The following NPEPPS variants were observed in gnomAD, a reference collection of about 807,000 sequenced individuals.
NPEPPS encodes puromycin-sensitive aminopeptidase.
NPEPPS carries 14 observed loss-of-function variants against 115.5 expected under a neutral mutation model. The observed-to-expected ratio is 0.12, with a 90% confidence interval of 0.08 to 0.19. The LOEUF (loss-of-function observed/expected upper bound fraction) is 0.19. NPEPPS is among the 10% of genes least tolerant of loss of function. The pLI, the probability that NPEPPS is intolerant of heterozygous loss-of-function variation, is 1.00. For synonymous variants in NPEPPS, 285 were observed against 390.6 expected (o/e 0.73, Z 3.19); for missense variants, 523 against 1,110.8 (o/e 0.47, Z 7.52).
chr17:47,610,593 AG>A (rs1366719713), intron 17 of NPEPPS, among the ~76,000 whole-genome samples: 1 of 151,946 alleles, frequency 6.6e-6, no homozygotes, highest in East Asian at 1.9e-4. Context: ...CATGTTGGCC[AG>A]GATGGTCTCG....
chr17:47,556,246 T>C (rs942417494), intron 2 of NPEPPS, among the ~76,000 whole-genome samples: 10 of 151,760 alleles, frequency 6.6e-5, no homozygotes, highest in Admixed American at 1.3e-4. Flanking sequence ...GCAGTGTTTG[T>C]GTCCCTGGGT....
intron 13 of NPEPPS, among the ~76,000 whole-genome samples, chr17:47,596,877 G>C (rs903536726): frequency 1.3e-5 from 2 of 152,098 alleles, no homozygotes; most frequent in African/African-American, 4.8e-5. Context: ...GTAAAACCCT[G>C]TCTCTACTAA....
At chr17:47,602,409 C>G (rs1251924897) in intron 15 of NPEPPS, among the ~76,000 whole-genome samples, 1 of 151,784 alleles carries the variant, frequency 6.6e-6, no homozygotes, top group African/African-American at 2.4e-5. Flanking sequence ...CCGAGGCAGG[C>G]AGATCACAAG....
chr17:47,606,690 G>A (rs987816088), intron 17 of NPEPPS, among the ~76,000 whole-genome samples: 4 of 148,346 alleles, frequency 2.7e-5, no homozygotes, highest in East Asian at 2.0e-4. Flanking sequence ...TGATCTGCCC[G>A]TCTCGGCCGC....
chr17:47,530,235 G>A (rs1337032344), upstream of NPEPPS, among the ~76,000 whole-genome samples: 4 of 148,452 alleles, frequency 2.7e-5, no homozygotes, highest in Non-Finnish European at 1.5e-5. Context: ...GAGCCACCGC[G>A]ACCGCCCGAA....
intron 4 of NPEPPS, chr17:47,580,990 C>G (rs1275496482): frequency 6.6e-6 from 1 of 152,156 alleles, no homozygotes; most frequent in Non-Finnish European, 1.5e-5. Flanking sequence ...CCAGTGGTTC[C>G]CTATGGTGTG....
chr17:47,556,419 C>T (rs1464978268), intron 2 of NPEPPS, among the ~76,000 whole-genome samples: 3 of 152,266 alleles, frequency 2.0e-5, no homozygotes, highest in Non-Finnish European at 2.9e-5. Context: ...AGATCAACAG[C>T]ATCCCAAGGC....
At chr17:47,586,778 C>T (rs1567859262) in intron 8 of NPEPPS, 2 of 464,648 alleles carry the variant, frequency 4.3e-6, no homozygotes, top group East Asian at 6.5e-5. Flanking sequence ...CTTTTAAAAG[C>T]AGAGTCTGTC....
chr17:47,623,181 TTG>T lies in NPEPPS; in HGVS notation c.*1264_*1265del, dbSNP rs1914700976. 2 of 175,798 alleles carry T rather than the reference TTG, an allele frequency of 1.1e-5. No homozygotes were observed. Among genetic ancestry groups the T allele is most frequent in the East Asian group, 1.8e-4 (1 of 5,570 alleles). The allele number at this position is 175,798 out of a possible 1,614,324, so 10.9% of individuals were successfully genotyped here. ...AACGGTATTTCAGAAGGTCATCAGA[TTG>T]TGAGACTGCTTCCTTGAAACATTTT... On this transcript the variant is annotated 3_prime_UTR_variant, in exon 23 of 23. Transcript: ENST00000322157.
chr17:47,558,004 G>GCTACCTC (rs894649783), intron 2 of NPEPPS, among the ~76,000 whole-genome samples: 8 of 142,874 alleles, frequency 5.6e-5, no homozygotes, highest in African/African-American at 2.1e-4. Context: ...TCAACTTACT[G>GCTACCTC]CTACCTCCAC....
intron 1 of NPEPPS, among the ~76,000 whole-genome samples, chr17:47,539,117 CTTTT>C (rs1908564380): frequency 1.4e-5 from 1 of 69,780 alleles, no homozygotes; most frequent in South Asian, 3.9e-4. Flanking sequence ...TTTTTTTTTT[CTTTT>C]TTCTTTTTAG....
intron 2 of NPEPPS, among the ~76,000 whole-genome samples, chr17:47,555,639 G>A (rs1381011071): frequency 6.6e-6 from 1 of 151,798 alleles, no homozygotes; most frequent in Non-Finnish European, 1.5e-5. Context: ...AAGCCACCGC[G>A]CCCGGCCATG....
intron 2 of NPEPPS, among the ~76,000 whole-genome samples, chr17:47,559,192 C>T (rs1341842580): frequency 6.6e-6 from 1 of 152,216 alleles, no homozygotes; most frequent in South Asian, 2.1e-4. Context: ...TACAGATATA[C>T]GCTACCGTGG....
intron 15 of NPEPPS, chr17:47,603,676 C>T: frequency 2.7e-6 from 1 of 374,718 alleles, no homozygotes; most frequent in Non-Finnish European, 4.8e-6. Flanking sequence ...TTGTCCCTTC[C>T]TTGTTCTTTC....
intron 1 of NPEPPS, among the ~76,000 whole-genome samples, chr17:47,543,883 GTTTGTTTGTTTATTTA>G (rs1334491545): frequency 7.2e-5 from 9 of 125,412 alleles, no homozygotes; most frequent in African/African-American, 1.8e-4. Context: ...TTGTTTGTTT[GTTTGTTTGTTTATTTA>G]TTTATTTATT....
At chr17:47,538,761 C>T (rs367700922) in intron 1 of NPEPPS, among the ~76,000 whole-genome samples, 1 of 152,024 alleles carries the variant, frequency 6.6e-6, no homozygotes, top group Non-Finnish European at 1.5e-5. Context: ...AACTCCTGAC[C>T]TTGTGATCCA....
At position 47,553,014 on chromosome 17, in the gene NPEPPS, G is replaced by A. The variant is rs111948706; in HGVS notation, c.340+7021G>A. On this transcript the variant is annotated intron_variant, in intron 2 of 22. Transcript: ENST00000322157. ...TCTATTGCCTGTCATTAATATAACC[G>A]CACCATATTGCAATTATTTGTTTGT... Among the ~76,000 whole-genome samples, 396 of 152,108 alleles carry A rather than the reference G, an allele frequency of 2.6e-3. 1 individual carries two copies. The highest frequency in any genetic ancestry group is 4.2e-3 in the Non-Finnish European group (283 of 67,982).
At chr17:47,536,388 CTTTTTTTTTT>C (rs749380530) in intron 1 of NPEPPS, among the ~76,000 whole-genome samples, 1 of 69,938 alleles carries the variant, frequency 1.4e-5, no homozygotes, top group African/African-American at 4.8e-5. Flanking sequence ...TATTTTCTCT[CTTTTTTTTTT>C]TTTTTTTTTT....
At chr17:47,580,893 TC>T (rs1911834194) in intron 4 of NPEPPS, 1 of 150,318 alleles carries the variant, frequency 6.7e-6, no homozygotes, top group South Asian at 2.1e-4. Context: ...CTAGAGTGAA[TC>T]CCTGTTTACT....
Sources: allele counts gnomAD v4.1 joint callset (sites outside exome capture counted in the v4.1 genomes callset), GRCh38; gene constraint gnomAD v4.1.1; transcripts MANE v1.5; gene names NCBI Gene and HGNC (gene_info 2026-07-23, HGNC 2026-07-21).